The following CADPS variants were observed in gnomAD, a reference collection of about 807,000 sequenced individuals.
CADPS encodes calcium-dependent secretion activator 1.
A neutral mutation model predicts 167.3 loss-of-function variants in CADPS; 57 were observed. The ratio of observed to expected loss-of-function variants is 0.34; its 90% CI spans 0.28 to 0.42. The LOEUF (loss-of-function observed/expected upper bound fraction) is 0.42, where lower values mean the gene tolerates loss of function less well. Among genes scored for constraint, CADPS ranks in the 20% least tolerant of loss-of-function variants. The probability of loss-of-function intolerance (pLI) is 1.00; values close to 1 mark genes in which losing one functional copy is unlikely to be tolerated. For synonymous variants in CADPS, 676 were observed against 635.3 expected (o/e 1.06, Z -0.96); for missense variants, 1,414 against 1,738.1 (o/e 0.81, Z 3.32).
intron 2 of CADPS, among the ~76,000 whole-genome samples, chr3:62,759,700 C>T (rs1439727587): frequency 6.6e-6 from 1 of 151,448 alleles, no homozygotes; most frequent in African/African-American, 2.4e-5. Context: ...TTGAAAGTAC[C>T]TGGAAAGATA....
At position 62,606,847 on chromosome 3, in the gene CADPS, T is replaced by A. The variant is rs12494461; in HGVS notation, c.1326-14099A>T. On this transcript the variant is annotated intron_variant, in intron 6 of 29. Transcript: ENST00000383710. ...TTTCAGCCTGGATCCCAGAATGAAC[T>A]ATGTGGAGTAGACCTAAGCCAAACC... Among the ~76,000 whole-genome samples the A allele has an allele frequency of 0.018, 2,769 of 152,268 alleles. 340 individuals carry two copies. In the East Asian group the frequency reaches 0.36, roughly 20 times the overall value.
intron 17 of CADPS, among the ~76,000 whole-genome samples, chr3:62,508,765 C>T (rs531389766): frequency 1.3e-5 from 2 of 152,136 alleles, no homozygotes; most frequent in African/African-American, 4.8e-5. Context: ...CAATAAACAA[C>T]AATTTTTATC....
At chr3:62,524,975 A>T (rs2071689216) in intron 13 of CADPS, among the ~76,000 whole-genome samples, 2 of 152,238 alleles carry the variant, frequency 1.3e-5, no homozygotes, top group Non-Finnish European at 2.9e-5. Context: ...CACCATATAC[A>T]AAATTCTGAG....
intron 3 of CADPS, among the ~76,000 whole-genome samples, chr3:62,700,278 C>T (rs562117698): frequency 1.8e-4 from 27 of 152,134 alleles, no homozygotes; most frequent in African/African-American, 4.1e-4. Flanking sequence ...CTGGACCTGG[C>T]GACATGCTTC....
At chr3:62,451,678 T>C (rs2058072792) in intron 26 of CADPS, among the ~76,000 whole-genome samples, 1 of 152,166 alleles carries the variant, frequency 6.6e-6, no homozygotes, top group African/African-American at 2.4e-5. Context: ...CCCCGCCTGT[T>C]TGACTTCACA....
rs1225559427 is a variant in CADPS, at chr3:62,491,546, CACACACACACAA to C, written c.2885-78_2885-67del. 1,700 of 1,118,988 alleles carry C rather than the reference CACACACACACAA, an allele frequency of 1.5e-3. 16 individuals carry two copies. In the African/African-American group the frequency reaches 0.02, roughly 13 times the overall value. 69.3% of individuals were successfully genotyped at this position (1,118,988 alleles called of 1,614,324 possible). On this transcript the variant is annotated intron_variant, in intron 20 of 29. Transcript: ENST00000383710. ...ACTTTATCAACGTACAACACACACA[CACACACACACAA>C]ACACACACACACACACACACACACA...
intron 3 of CADPS, among the ~76,000 whole-genome samples, chr3:62,669,930 C>T (rs2075206642): frequency 6.6e-6 from 1 of 152,184 alleles, no homozygotes; most frequent in South Asian, 2.1e-4. Context: ...ATTTCCTCCC[C>T]TTTTGGGTAA....
At chr3:62,518,411 T>G (rs188822932) in intron 13 of CADPS, among the ~76,000 whole-genome samples, 161 bp from the exon 14 acceptor site, 1 of 152,142 alleles carries the variant, frequency 6.6e-6, no homozygotes, top group South Asian at 2.1e-4. Flanking sequence ...TCCAAAGGCG[T>G]TGGGTTGTGT....
intron 3 of CADPS, among the ~76,000 whole-genome samples, chr3:62,692,639 T>C (rs180835222): frequency 6.6e-6 from 1 of 152,166 alleles, no homozygotes; most frequent in Non-Finnish European, 1.5e-5. Context: ...TCCTTTCAAC[T>C]CTCACTGCCA....
At chr3:62,654,899 G>A (rs2071157675) in intron 4 of CADPS, among the ~76,000 whole-genome samples, 1 of 152,192 alleles carries the variant, frequency 6.6e-6, no homozygotes, top group Admixed American at 6.5e-5. Flanking sequence ...TTGAGAGACT[G>A]TCTTGTCAAG....
intron 3 of CADPS, among the ~76,000 whole-genome samples, chr3:62,675,108 A>T (rs1389627319): frequency 6.6e-6 from 1 of 152,086 alleles, no homozygotes; most frequent in African/African-American, 2.4e-5. Context: ...TTACTCAGGG[A>T]TCCAAGCACA....
intron 5 of CADPS, among the ~76,000 whole-genome samples, chr3:62,647,690 A>G (rs976840675): frequency 6.6e-6 from 1 of 152,214 alleles, no homozygotes; most frequent in African/African-American, 2.4e-5. Flanking sequence ...AACCATATAA[A>G]TAGAAAGAAA....
intron 18 of CADPS, among the ~76,000 whole-genome samples, chr3:62,497,753 T>A (rs1366401474): frequency 5.3e-5 from 8 of 152,170 alleles, no homozygotes; most frequent in Admixed American, 5.2e-4. Context: ...TAGAGACGGT[T>A]GTTGAGGAAG....
chr3:62,447,746 T>C (rs1320587253), intron 26 of CADPS, among the ~76,000 whole-genome samples: 1 of 152,180 alleles, frequency 6.6e-6, no homozygotes, highest in Admixed American at 6.6e-5. Flanking sequence ...GAGAATACTC[T>C]TAGTCCTTAA....
chr3:62,572,659 A>T (rs571379393), intron 8 of CADPS, among the ~76,000 whole-genome samples: 1 of 151,740 alleles, frequency 6.6e-6, no homozygotes, highest in Admixed American at 6.6e-5. Flanking sequence ...TAACATGAAT[A>T]AATCTATTTT....
At chr3:62,731,132 C>A (rs2077699569) in intron 3 of CADPS, among the ~76,000 whole-genome samples, 1 of 152,184 alleles carries the variant, frequency 6.6e-6, no homozygotes, top group Non-Finnish European at 1.5e-5. Flanking sequence ...TTAGTTTGGC[C>A]TTCCAATTCT....
intron 13 of CADPS, among the ~76,000 whole-genome samples, chr3:62,526,426 A>C (rs2072244140): frequency 6.6e-6 from 1 of 152,196 alleles, no homozygotes; most frequent in Non-Finnish European, 1.5e-5. Context: ...AGAAATGTTA[A>C]ATAATAATGT....
intron 28 of CADPS, among the ~76,000 whole-genome samples, chr3:62,418,726 C>G (rs1313486902): frequency 6.6e-6 from 1 of 151,846 alleles, no homozygotes; most frequent in Non-Finnish European, 1.5e-5. Context: ...CAAAACCCTC[C>G]CACCTTTGAA....
intron 3 of CADPS, among the ~76,000 whole-genome samples, chr3:62,720,562 C>T (rs1055904288): frequency 1.3e-5 from 2 of 152,074 alleles, no homozygotes; most frequent in African/African-American, 4.8e-5. Context: ...TGGTCTCAAA[C>T]ACCTGGCCTC....
Sources: gnomAD v4.1 joint callset for allele counts (sites outside exome capture counted in the v4.1 genomes callset) on GRCh38, gnomAD v4.1.1 for gene constraint, MANE v1.5 for transcripts, NCBI Gene and HGNC (gene_info 2026-07-23, HGNC 2026-07-21) for gene names.